IGSF11: variants seen among roughly 807,000 people sequenced by gnomAD.
The protein encoded by IGSF11 is immunoglobulin superfamily member 11.
IGSF11 carries 22 observed loss-of-function variants against 41.0 expected under a neutral mutation model. That is an observed-to-expected ratio of 0.54 (90% confidence interval 0.38 to 0.77). IGSF11 has a LOEUF of 0.77. Ranked by LOEUF, IGSF11 falls within the 30% of genes least tolerant of loss-of-function variation. IGSF11 has a pLI of 0.00. For synonymous variants in IGSF11, 219 were observed against 201.3 expected (o/e 1.09, Z -0.74); for missense variants, 444 against 530.8 (o/e 0.84, Z 1.61).
intron 4 of IGSF11, among the ~76,000 whole-genome samples, chr3:118,906,898 G>A (rs919390903): frequency 7.2e-5 from 11 of 152,146 alleles, no homozygotes; most frequent in African/African-American, 2.7e-4. Context: ...AGCTTTAGAT[G>A]TTTAATAAGA....
chr3:118,944,783 T>C (rs1235896834), intron 1 of IGSF11: 1 of 152,208 alleles, frequency 6.6e-6, no homozygotes, highest in African/African-American at 2.4e-5. Flanking sequence ...ATGTGCCAAG[T>C]ATTGTTTTAG....
In IGSF11 at chr3:119,032,741, T is replaced by G. The variant is rs116300511; in HGVS notation, c.52+1790A>C. 4.8e-3 allele frequency among the ~76,000 whole-genome samples: 724 copies of G among 152,336 alleles called. 4 individuals carry two copies. The highest frequency in any genetic ancestry group is 0.017 in the African/African-American group (692 of 41,570). On this transcript the variant is annotated intron_variant, in intron 1 of 6. Coordinates refer to ENST00000393775, the MANE Select transcript of IGSF11 (RefSeq NM_001015887.3). ...TTTCCAAGAAGTCTTACTTGATACT[T>G]ACATTAACAAATAGAACTCATCATA... is the stretch of plus-strand genomic sequence containing the variant.
rs1480758410 is a variant in IGSF11, at chr3:118,902,337, A to G, written c.*183T>C. 1 of 559,990 alleles carries G rather than the reference A, an allele frequency of 1.8e-6. No homozygotes were observed. The highest frequency in any genetic ancestry group is 3.1e-5 in the Admixed American group (1 of 31,812). 34.7% of individuals were successfully genotyped at this position (559,990 alleles called of 1,614,324 possible). A position where few individuals can be genotyped will look rare whatever the true frequency, so the allele number is the denominator to read the frequency against. On this transcript the variant is annotated 3_prime_UTR_variant, in exon 7 of 7. Transcript: ENST00000393775. ...TTTGGTGGGGAAGCAAGTCTTCATG[A>G]TGGAGCATTTCAGTCCATTTTACAC...
chr3:119,111,175 C>A (rs1218596029), intron 1 of IGSF11, among the ~76,000 whole-genome samples: 1 of 152,174 alleles, frequency 6.6e-6, no homozygotes, highest in African/African-American at 2.4e-5. Flanking sequence ...GGATAATATC[C>A]TGCAGAGTGT....
chr3:118,999,795 G>A (rs1228815717), intron 1 of IGSF11, among the ~76,000 whole-genome samples: 1 of 152,002 alleles, frequency 6.6e-6, no homozygotes, highest in African/African-American at 2.4e-5. Context: ...CAAAATGACA[G>A]AATGCTTTTT....
At chr3:118,946,802 C>T (rs1049076256) in intron 1 of IGSF11, among the ~76,000 whole-genome samples, 2 of 152,174 alleles carry the variant, frequency 1.3e-5, no homozygotes, top group Admixed American at 1.3e-4. Context: ...TTTGGCTTAA[C>T]GTTTTTAACT....
At chr3:119,019,392 A>G (rs1431737496) in intron 1 of IGSF11, among the ~76,000 whole-genome samples, 2 of 148,386 alleles carry the variant, frequency 1.3e-5, no homozygotes, top group Non-Finnish European at 3.0e-5. Context: ...CTCCCATACT[A>G]GATGGGTGGC....
chr3:119,097,957 A>ATTTTTTTTTTTT lies in IGSF11; in HGVS notation c.49+7175_49+7186dup, dbSNP rs377746200. 5.0e-4 allele frequency among the ~76,000 whole-genome samples: 29 copies of ATTTTTTTTTTTT among 58,364 alleles called. 2 individuals carry two copies. Among genetic ancestry groups the ATTTTTTTTTTTT allele is most frequent in the African/African-American group, 1.3e-3 (23 of 17,538 alleles). The allele number at this position is 58,364 out of a possible 152,430, so 38.3% of individuals were successfully genotyped here. A position where few individuals can be genotyped will look rare whatever the true frequency, so the allele number is the denominator to read the frequency against. ...AGGCACATGCCACCACATTCAGCTA[A>ATTTTTTTTTTTT]TTTTTTTTTTTTTTTTTTTTTTTTT... On this transcript the variant is annotated intron_variant, in intron 1 of 6. Coordinates refer to the IGSF11 transcript ENST00000354673.
intron 1 of IGSF11, among the ~76,000 whole-genome samples, chr3:118,979,978 T>C (rs1934539726): frequency 6.6e-6 from 1 of 152,046 alleles, no homozygotes; most frequent in African/African-American, 2.4e-5. Flanking sequence ...CTTACTCCAG[T>C]TGGAATGTCT....
In IGSF11 at chr3:119,116,790, T is replaced by C. The variant is rs567310860; in HGVS notation, c.-13-11585A>G. On this transcript the variant is annotated intron_variant, in intron 1 of 7. Coordinates refer to the IGSF11 transcript ENST00000425327. ...ATTATGGTAGATTGGCCTTTTGAGA[T>C]ATCTTTCCAGAATTTTTTGCATATC... Among the ~76,000 whole-genome samples the C allele has an allele frequency of 2.6e-5, 4 of 152,328 alleles. No individual in the cohort carries two copies. In the East Asian group the frequency reaches 5.8e-4, roughly 22 times the overall value.
At chr3:118,958,778 A>G (rs1458089459) in intron 1 of IGSF11, among the ~76,000 whole-genome samples, 2 of 152,246 alleles carry the variant, frequency 1.3e-5, no homozygotes, top group African/African-American at 4.8e-5. Context: ...TCAACACTTA[A>G]TTATCACCAA....
intron 1 of IGSF11, among the ~76,000 whole-genome samples, chr3:119,083,135 T>TC (rs945334697): frequency 6.0e-5 from 9 of 149,452 alleles, no homozygotes; most frequent in Non-Finnish European, 1.2e-4. Context: ...TCTTTTTTTT[T>TC]TTTTTTTGGT....
chr3:119,082,172 T>C (rs987376403), intron 1 of IGSF11, among the ~76,000 whole-genome samples: 8 of 152,182 alleles, frequency 5.3e-5, no homozygotes, highest in African/African-American at 1.4e-4. Context: ...CTCCTGTTAA[T>C]TGAAATTTAA....
chr3:119,025,854 A>G (rs1045731471), intron 1 of IGSF11, among the ~76,000 whole-genome samples: 21 of 152,208 alleles, frequency 1.4e-4, no homozygotes, highest in African/African-American at 5.1e-4. Context: ...TGAATATCAA[A>G]AAATCAGAGA....
At chr3:118,911,742 A>G (rs1449195907) in intron 4 of IGSF11, among the ~76,000 whole-genome samples, 1 of 151,430 alleles carries the variant, frequency 6.6e-6, no homozygotes, top group Non-Finnish European at 1.5e-5. Flanking sequence ...AGAGAGAAAG[A>G]GAGAGAGAGA....
chr3:119,057,258 A>G (rs995249951), intron 1 of IGSF11, among the ~76,000 whole-genome samples: 8 of 152,236 alleles, frequency 5.3e-5, no homozygotes, highest in Admixed American at 3.9e-4. Flanking sequence ...TTAAGCTCAT[A>G]AGCAACTTCA....
At chr3:118,950,161 A>T (rs773553413) in intron 1 of IGSF11, among the ~76,000 whole-genome samples, 1 of 152,168 alleles carries the variant, frequency 6.6e-6, no homozygotes, top group Non-Finnish European at 1.5e-5. Context: ...CAGCACATAC[A>T]CACTCACTCT....
chr3:119,046,675 T>C (rs1941368486), intron 1 of IGSF11, among the ~76,000 whole-genome samples: 1 of 151,716 alleles, frequency 6.6e-6, no homozygotes, highest in African/African-American at 2.4e-5. Context: ...GAAGAGCAAC[T>C]CCAAGACACA....
intron 4 of IGSF11, among the ~76,000 whole-genome samples, chr3:118,924,297 C>T (rs1007794083): frequency 1.3e-5 from 2 of 152,058 alleles, no homozygotes; most frequent in Non-Finnish European, 2.9e-5. Flanking sequence ...GATTCACTTT[C>T]CTGGTGTCAA....
Sources: allele counts gnomAD v4.1 joint callset (sites outside exome capture counted in the v4.1 genomes callset), GRCh38; gene constraint gnomAD v4.1.1; transcripts MANE v1.5; gene names NCBI Gene and HGNC (gene_info 2026-07-23, HGNC 2026-07-21).